RASGRF2: variants seen among roughly 807,000 people sequenced by gnomAD.
The protein encoded by RASGRF2 is Ras protein specific guanine nucleotide releasing factor 2.
In RASGRF2, 76 loss-of-function variants were observed where a neutral mutation model predicts 151.0. That is an observed-to-expected ratio of 0.50 (90% CI 0.42 to 0.61). The LOEUF (loss-of-function observed/expected upper bound fraction) is 0.61. Among genes scored for constraint, RASGRF2 ranks in the 20% least tolerant of loss-of-function variants. The probability of loss-of-function intolerance (pLI) is 0.00; values close to 1 mark genes in which losing one functional copy is unlikely to be tolerated. For missense variants in RASGRF2, 1,148 were observed against 1,564.6 expected, an observed-to-expected ratio of 0.73 and a Z score of 4.49; for synonymous variants, 504 against 566.5, an observed-to-expected ratio of 0.89 and a Z score of 1.57.
intron 17 of RASGRF2, among the ~76,000 whole-genome samples, chr5:81,175,927 AT>A (rs1754765025): frequency 6.6e-6 from 1 of 152,134 alleles, no homozygotes. Context: ...CCTTGGGACA[AT>A]TTAGAAATGC....
At chr5:81,173,492 CCTAA>C (rs1754705183) in intron 17 of RASGRF2, among the ~76,000 whole-genome samples, 2 of 152,314 alleles carry the variant, frequency 1.3e-5, no homozygotes, top group South Asian at 4.1e-4. Context: ...CTTCCATAAT[CCTAA>C]CTGTTATCCT....
At chr5:80,962,602 C>T (rs1183353827) in intron 1 of RASGRF2, among the ~76,000 whole-genome samples, 1 of 151,140 alleles carries the variant, frequency 6.6e-6, no homozygotes, top group East Asian at 1.9e-4. Flanking sequence ...ATAAGATAAC[C>T]ACTTTTGATT....
chr5:81,095,619 T>C (rs682380), intron 12 of RASGRF2, among the ~76,000 whole-genome samples: 59,860 of 152,094 alleles, frequency 0.39, 12,324 homozygotes, highest in Middle Eastern at 0.64. Flanking sequence ...TCCATATGAA[T>C]TTTGGCTCTG....
intron 1 of RASGRF2, among the ~76,000 whole-genome samples, chr5:80,984,256 G>A (rs1748406122): frequency 6.6e-6 from 1 of 152,220 alleles, no homozygotes; most frequent in Non-Finnish European, 1.5e-5. Context: ...GTTTTGCCAT[G>A]TTGGCTCAGC....
At chr5:81,127,211 G>A (rs746926186) in intron 17 of RASGRF2, 48 bp downstream of exon 17, 2 of 1,550,096 alleles carry the variant, frequency 1.3e-6, no homozygotes, top group Non-Finnish European at 1.8e-6. Flanking sequence ...TTTATATTAA[G>A]TCAGTGGCCC....
chr5:80,969,818 T>C (rs1190299733), intron 1 of RASGRF2, among the ~76,000 whole-genome samples: 24 of 83,940 alleles, frequency 2.9e-4, no homozygotes, highest in South Asian at 1.4e-3. Context: ...TCTTCTTCTT[T>C]TTTTTTTTTT....
At chr5:81,066,301 GT>G (rs756155134) in intron 2 of RASGRF2, among the ~76,000 whole-genome samples, 39 of 151,958 alleles carry the variant, frequency 2.6e-4, no homozygotes, top group Non-Finnish European at 3.7e-4. Context: ...ACTTAAAAAT[GT>G]TGCTGACACG....
At chr5:81,161,302 T>C (rs1171085356) in intron 17 of RASGRF2, among the ~76,000 whole-genome samples, 3 of 152,174 alleles carry the variant, frequency 2.0e-5, no homozygotes, top group Admixed American at 6.5e-5. Context: ...GCATTTTTGA[T>C]ACATAGGCAA....
intron 18 of RASGRF2, among the ~76,000 whole-genome samples, chr5:81,197,416 A>G (rs1192333667): frequency 7.6e-6 from 1 of 130,950 alleles, no homozygotes; most frequent in Non-Finnish European, 1.5e-5. Flanking sequence ...AGATTGCGCC[A>G]CTGCAGTCCG....
intron 2 of RASGRF2, among the ~76,000 whole-genome samples, chr5:81,060,002 G>C: frequency 6.6e-6 from 1 of 152,222 alleles, no homozygotes. Flanking sequence ...CATGGCAGAA[G>C]GCGAAGGAGG....
chr5:81,134,550 C>G (rs1483573744), intron 17 of RASGRF2, among the ~76,000 whole-genome samples: 1 of 152,144 alleles, frequency 6.6e-6, no homozygotes, highest in Non-Finnish European at 1.5e-5. Context: ...ACACATCATT[C>G]CTACTGAATC....
At chr5:81,179,043 A>G (rs764445399) in intron 17 of RASGRF2, among the ~76,000 whole-genome samples, 2 of 152,066 alleles carry the variant, frequency 1.3e-5, no homozygotes, top group Admixed American at 1.3e-4. Context: ...AGCCTAGACA[A>G]CTCTTTCAAG....
intron 22 of RASGRF2, among the ~76,000 whole-genome samples, chr5:81,209,414 T>C (rs538573438): frequency 2.6e-5 from 4 of 152,292 alleles, no homozygotes; most frequent in African/African-American, 7.2e-5. Context: ...CACTAAACTA[T>C]AGTAAAAGGA....
chr5:80,963,999 GTTTT>G (rs149116989), intron 1 of RASGRF2, among the ~76,000 whole-genome samples: 210 of 141,678 alleles, frequency 1.5e-3, no homozygotes, highest in Middle Eastern at 3.6e-3. Context: ...AAAAAAATCC[GTTTT>G]TTTTTTTTTT....
chr5:81,131,278 G>A (rs1255919392), intron 17 of RASGRF2, among the ~76,000 whole-genome samples: 1 of 152,136 alleles, frequency 6.6e-6, no homozygotes, highest in Non-Finnish European at 1.5e-5. Flanking sequence ...CCTGTGATCT[G>A]TTTGGGATTG....
intron 1 of RASGRF2, among the ~76,000 whole-genome samples, chr5:80,962,566 TTTG>T (rs1464674800): frequency 1.3e-5 from 2 of 152,118 alleles, no homozygotes; most frequent in African/African-American, 4.8e-5. Flanking sequence ...TCTCAAATTA[TTTG>T]TTTTCTTCAT....
intron 17 of RASGRF2, among the ~76,000 whole-genome samples, chr5:81,160,656 G>A (rs1250512758): frequency 6.6e-6 from 1 of 150,458 alleles, no homozygotes; most frequent in Admixed American, 6.6e-5. Context: ...CTCCAGCCTG[G>A]GTGACAGAGC....
chr5:81,160,679 C>CTAA (rs1754361062), intron 17 of RASGRF2, among the ~76,000 whole-genome samples: 1 of 101,864 alleles, frequency 9.8e-6, no homozygotes. Context: ...GACTCTGTCT[C>CTAA]AAAAATAATA....
At chr5:81,111,096 A>G (rs1044468533) in intron 13 of RASGRF2, among the ~76,000 whole-genome samples, 1 of 152,240 alleles carries the variant, frequency 6.6e-6, no homozygotes, top group Non-Finnish European at 1.5e-5. Flanking sequence ...AAATAGATAT[A>G]TAATTTCAAA....
Sources: gnomAD v4.1 joint callset for allele counts (sites outside exome capture counted in the v4.1 genomes callset) on GRCh38, gnomAD v4.1.1 for gene constraint, MANE v1.5 for transcripts, NCBI Gene and HGNC (gene_info 2026-07-23, HGNC 2026-07-21) for gene names.